The following RTF2 variants were observed in gnomAD, a reference collection of about 807,000 sequenced individuals.
RTF2 encodes the protein replication termination factor 2.
RTF2 carries 18 observed loss-of-function variants against 38.0 expected under a neutral mutation model. The observed-to-expected ratio is 0.47, with a 90% CI of 0.33 to 0.70. The LOEUF is 0.70. RTF2 is among the 30% of genes least tolerant of loss of function. RTF2 has a pLI of 0.02. For synonymous variants in RTF2, 126 were observed against 137.1 expected, an observed-to-expected ratio of 0.92 and a Z score of 0.57; for missense variants, 311 against 379.6, an observed-to-expected ratio of 0.82 and a Z score of 1.50.
intron 5 of RTF2, among the ~76,000 whole-genome samples, chr20:56,504,756 TAAG>T (rs1265056304): frequency 1.3e-5 from 2 of 152,208 alleles, no homozygotes; most frequent in African/African-American, 4.8e-5. Flanking sequence ...ACAGCTCTAT[TAAG>T]AATATCGGCA....
At chr20:56,503,434 C>T (rs774372427) in intron 5 of RTF2, among the ~76,000 whole-genome samples, 3 of 152,254 alleles carry the variant, frequency 2.0e-5, no homozygotes, top group Non-Finnish European at 4.4e-5. Flanking sequence ...AGGATTTGCA[C>T]GTGGCCTTGA....
chr20:56,482,356 G>A (rs572310727), intron 4 of RTF2, among the ~76,000 whole-genome samples: 215 of 152,316 alleles, frequency 1.4e-3, no homozygotes, highest in African/African-American at 4.5e-3. Flanking sequence ...TAAATGCTGT[G>A]TAAATAGTTG....
chr20:56,491,754 C>G, intron 5 of RTF2: 1 of 1,551,890 alleles, frequency 6.4e-7, no homozygotes, highest in Middle Eastern at 1.7e-4. Context: ...TCTCCTGGTC[C>G]GTATACGCAG....
At position 56,513,368 on chromosome 20, in the gene RTF2, G is replaced by A; in HGVS notation, c.531G>A (p.Glu177=). 6.2e-7 allele frequency: 1 copy of A among 1,609,382 alleles called. No individual in the cohort carries two copies. The highest frequency in any genetic ancestry group is 8.5e-7 in the Non-Finnish European group (1 of 1,178,204). The stretch of plus-strand genomic sequence containing the variant: ...TCATCATGCTCAATGGCACCAAGGA[G>A]GATGTGGACGTGCTGAAGACAAGGA... ...DDVIMLNGTK[E]DVDVLKTRME... is the part of the protein sequence containing the mutation. Residue 177 remains glutamate (E), a synonymous_variant, in exon 6 of 9, where the codon GAG becomes GAA. Transcript: ENST00000357348.
chr20:56,496,590 G>T, intron 5 of RTF2: 1 of 1,451,756 alleles, frequency 6.9e-7, no homozygotes, highest in Non-Finnish European at 9.1e-7. Context: ...TCTATCTGCT[G>T]CTGTTGCTGC....
chr20:56,513,450 C>T (rs544657674), intron 6 of RTF2, 22 bp downstream of exon 6: 29 of 1,561,664 alleles, frequency 1.9e-5, no homozygotes, highest in Non-Finnish European at 2.3e-5. Flanking sequence ...CTTCAGGTTC[C>T]GCCCAGCCCC....
At chr20:56,487,438 G>A (rs6092320) in intron 5 of RTF2, among the ~76,000 whole-genome samples, 53,944 of 152,072 alleles carry the variant, frequency 0.35, 9,942 homozygotes, top group East Asian at 0.64. Context: ...GAACAGGAGC[G>A]AGCGTAGGCT....
intron 6 of RTF2, 155 bp from the exon 7 acceptor site, chr20:56,516,780 T>TA: frequency 1.4e-6 from 1 of 705,996 alleles, no homozygotes; most frequent in East Asian, 2.5e-5. Flanking sequence ...CTTTAGGAGT[T>TA]ACGGAACATC....
At chr20:56,500,989 C>A (rs909990325) in intron 5 of RTF2, among the ~76,000 whole-genome samples, 2 of 151,824 alleles carry the variant, frequency 1.3e-5, no homozygotes, top group Non-Finnish European at 2.9e-5. Context: ...TAAAAAAAAT[C>A]TTTTAAAAAT....
chr20:56,504,382 C>T (rs888183097), intron 5 of RTF2: 3 of 152,168 alleles, frequency 2.0e-5, no homozygotes, highest in Admixed American at 6.5e-5. Context: ...AGGATGAAAT[C>T]GTGGCATTCA....
intron 6 of RTF2, among the ~76,000 whole-genome samples, chr20:56,515,350 T>C (rs953782723): frequency 2.0e-5 from 3 of 152,066 alleles, no homozygotes; most frequent in African/African-American, 7.2e-5. Flanking sequence ...GGCAAGCAGA[T>C]CACTTGAGGT....
chr20:56,497,987 C>G (rs575966420), intron 5 of RTF2, among the ~76,000 whole-genome samples: 1 of 152,166 alleles, frequency 6.6e-6, no homozygotes, highest in African/African-American at 2.4e-5. Context: ...GGCATACTTG[C>G]TGTGGTCAGA....
At chr20:56,481,307 A>C (rs1156637112) in intron 4 of RTF2, among the ~76,000 whole-genome samples, 2 of 152,220 alleles carry the variant, frequency 1.3e-5, no homozygotes, top group Non-Finnish European at 2.9e-5. Flanking sequence ...ACAGGTGTAC[A>C]TGGACACCCT....
chr20:56,496,220 A>G (rs1035749501), intron 5 of RTF2, among the ~76,000 whole-genome samples: 1 of 152,182 alleles, frequency 6.6e-6, no homozygotes, highest in Non-Finnish European at 1.5e-5. Context: ...GGCCAAAGAA[A>G]CATAGCTGAA....
At chr20:56,484,844 G>A (rs1455472557) in intron 5 of RTF2, among the ~76,000 whole-genome samples, 5 of 152,116 alleles carry the variant, frequency 3.3e-5, no homozygotes, top group African/African-American at 7.2e-5. Flanking sequence ...CATCGAAAGC[G>A]TGCTGCTTCA....
chr20:56,506,946 C>T (rs565228419), intron 5 of RTF2, among the ~76,000 whole-genome samples: 9 of 152,234 alleles, frequency 5.9e-5, no homozygotes, highest in South Asian at 2.1e-4. Context: ...GTGATCCGCC[C>T]GCCTCGGCCT....
intron 1 of RTF2, chr20:56,472,358 C>T: frequency 3.2e-6 from 5 of 1,545,056 alleles, no homozygotes; most frequent in Non-Finnish European, 4.4e-6. Context: ...AAGAGTGGTG[C>T]AGTCTACACA....
chr20:56,499,484 C>T (rs549058281), intron 5 of RTF2, among the ~76,000 whole-genome samples: 3 of 151,842 alleles, frequency 2.0e-5, no homozygotes, highest in Admixed American at 6.6e-5. Flanking sequence ...CCTGGCAATA[C>T]TTATGTTTAT....
intron 5 of RTF2, among the ~76,000 whole-genome samples, chr20:56,484,680 G>A (rs1264400856): frequency 6.6e-6 from 1 of 152,250 alleles, no homozygotes; most frequent in Non-Finnish European, 1.5e-5. Context: ...TCCAGAGCAC[G>A]TAGCGTGCCC....
Sources: gnomAD v4.1 joint callset for allele counts (sites outside exome capture counted in the v4.1 genomes callset) on GRCh38, gnomAD v4.1.1 for gene constraint, MANE v1.5 for transcripts, NCBI Gene and HGNC (gene_info 2026-07-23, HGNC 2026-07-21) for gene names.